Variants in DNAH6 observed in about 807,000 individuals in gnomAD.
The protein encoded by DNAH6 is axonemal beta dynein heavy chain 6.
DNAH6 carries 340 observed loss-of-function variants against 491.4 expected under a neutral mutation model. The ratio of observed to expected loss-of-function variants is 0.69; its 90% CI spans 0.63 to 0.76. The LOEUF (loss-of-function observed/expected upper bound fraction) is 0.76, where lower values mean the gene tolerates loss of function less well. DNAH6 is among the 30% of genes least tolerant of loss of function. DNAH6 has a pLI of 0.00. For synonymous variants in DNAH6, 1,603 were observed against 1,686.1 expected (o/e 0.95, Z 1.21); for missense variants, 4,443 against 4,972.2 (o/e 0.89, Z 3.20).
chr2:84,647,142 C>T (rs1316893609), intron 33 of DNAH6, among the ~76,000 whole-genome samples: 2 of 152,168 alleles, frequency 1.3e-5, no homozygotes, highest in African/African-American at 2.4e-5. Flanking sequence ...CCACCGTACC[C>T]GGCCAAAAGT....
At chr2:84,461,661 C>A in the DNAH6 span, among the ~76,000 whole-genome samples, 2 of 152,104 alleles carry the variant, frequency 1.3e-5, no homozygotes, top group Admixed American at 1.3e-4. Flanking sequence ...CACCTTGTAC[C>A]AAATAGTCGA....
At chr2:84,584,454 A>G (rs1463388620) in intron 15 of DNAH6, 1 of 561,158 alleles carries the variant, frequency 1.8e-6, no homozygotes, top group East Asian at 3.2e-5. Context: ...TGTGGTGAGA[A>G]TAATTAAGAC....
chr2:84,671,667 C>T (rs1367332326), intron 39 of DNAH6, among the ~76,000 whole-genome samples: 2 of 152,196 alleles, frequency 1.3e-5, no homozygotes, highest in Non-Finnish European at 2.9e-5. Flanking sequence ...TGCTGCTTGG[C>T]TTCCAGGGGG....
the DNAH6 span, among the ~76,000 whole-genome samples, chr2:84,508,081 T>C: frequency 6.6e-6 from 1 of 152,354 alleles, no homozygotes; most frequent in East Asian, 1.9e-4. Flanking sequence ...ACTGGCCTCA[T>C]AAAATGAGTT....
intron 12 of DNAH6, 35 bp downstream of exon 12, chr2:84,573,622 A>G: frequency 1.3e-6 from 2 of 1,505,330 alleles, no homozygotes; most frequent in Non-Finnish European, 1.8e-6. Flanking sequence ...AATTATTTTT[A>G]TAGGGATACT....
intron 21 of DNAH6, among the ~76,000 whole-genome samples, chr2:84,607,864 C>T (rs979231397): frequency 9.2e-5 from 14 of 152,036 alleles, no homozygotes; most frequent in South Asian, 2.1e-4. Flanking sequence ...CCACATTCAT[C>T]GACTCTTCCT....
intron 42 of DNAH6, among the ~76,000 whole-genome samples, chr2:84,681,750 A>T (rs1693795210): frequency 6.6e-6 from 1 of 151,786 alleles, no homozygotes. Context: ...CTGAAAAAAA[A>T]AAAAAAATAG....
chr2:84,529,472 G>A (rs906530260), intron 4 of DNAH6, among the ~76,000 whole-genome samples: 1 of 152,022 alleles, frequency 6.6e-6, no homozygotes, highest in Admixed American at 6.6e-5. Flanking sequence ...TGAGAAAAGA[G>A]GATGGCAACA....
chr2:84,555,937 C>CTT (rs1679976247), intron 10 of DNAH6, among the ~76,000 whole-genome samples: 1 of 152,126 alleles, frequency 6.6e-6, no homozygotes, highest in Non-Finnish European at 1.5e-5. Flanking sequence ...TTCTGGCCTC[C>CTT]TGAAATAGTC....
At chr2:84,524,743 ATTGT>A (rs1207173194) in intron 2 of DNAH6, among the ~76,000 whole-genome samples, 1 of 152,056 alleles carries the variant, frequency 6.6e-6, no homozygotes, top group Non-Finnish European at 1.5e-5. Context: ...TTTATAGATC[ATTGT>A]TTGGTCTCTG....
At chr2:84,506,627 T>A in the DNAH6 span, among the ~76,000 whole-genome samples, 1 of 152,180 alleles carries the variant, frequency 6.6e-6, no homozygotes, top group Non-Finnish European at 1.5e-5. Flanking sequence ...GGTGTTTTAG[T>A]CATGAAGTCC....
chr2:84,621,558 T>A lies in DNAH6; in HGVS notation c.4071+7T>A. 695 of 1,258,928 alleles carry A rather than the reference T, an allele frequency of 5.5e-4. No individual in the cohort carries two copies. The highest frequency in any genetic ancestry group is 1.0e-3 in the Middle Eastern group (4 of 3,860). The allele number at this position is 1,258,928 out of a possible 1,614,324, so 78.0% of individuals were successfully genotyped here. On this transcript the variant is annotated splice_region_variant and intron_variant, in intron 26 of 76. Transcript: ENST00000389394. ...TGAAAAAGTAAATTTTGAGGTGAGA[T>A]CTGTAACAAAGTGACATTGTTGTCC...
chr2:84,702,542 CTTTTT>C (rs34867074), intron 49 of DNAH6, among the ~76,000 whole-genome samples: 1 of 132,480 alleles, frequency 7.5e-6, no homozygotes. Context: ...TTTGAACCAG[CTTTTT>C]TTTTTTTTTT....
chr2:84,721,975 G>A (rs1573604217), intron 59 of DNAH6, among the ~76,000 whole-genome samples: 1 of 152,114 alleles, frequency 6.6e-6, no homozygotes, highest in African/African-American at 2.4e-5. Flanking sequence ...CATAGAGAAG[G>A]GAATCTTGGA....
chr2:84,502,372 T>G, the DNAH6 span, among the ~76,000 whole-genome samples: 9 of 152,210 alleles, frequency 5.9e-5, no homozygotes, highest in Non-Finnish European at 1.2e-4. Context: ...TCCTTTGTGG[T>G]CAGAGAAGAT....
intron 37 of DNAH6, among the ~76,000 whole-genome samples, chr2:84,666,568 G>A (rs1692148030): frequency 6.6e-6 from 1 of 152,076 alleles, no homozygotes; most frequent in African/African-American, 2.4e-5. Context: ...CCTCTTCAAG[G>A]AGAACTACAA....
intron 21 of DNAH6, among the ~76,000 whole-genome samples, chr2:84,609,323 C>T (rs1573207657): frequency 6.6e-6 from 1 of 152,080 alleles, no homozygotes; most frequent in African/African-American, 2.4e-5. Flanking sequence ...AGCTTTTGAC[C>T]TATATTGGCT....
At chr2:84,798,880 T>C (rs1678602753) in intron 70 of DNAH6, among the ~76,000 whole-genome samples, 1 of 152,092 alleles carries the variant, frequency 6.6e-6, no homozygotes, top group Admixed American at 6.5e-5. Context: ...CACCCAGGGA[T>C]ATCAAGTTGA....
upstream of DNAH6, among the ~76,000 whole-genome samples, chr2:84,512,373 T>C (rs1189026126): frequency 6.6e-6 from 1 of 151,872 alleles, no homozygotes; most frequent in African/African-American, 2.4e-5. Context: ...CAAGAGAGGG[T>C]CCAACTCACT....
Sources: gnomAD v4.1 joint callset for allele counts (sites outside exome capture counted in the v4.1 genomes callset) on GRCh38, gnomAD v4.1.1 for gene constraint, MANE v1.5 for transcripts, NCBI Gene and HGNC (gene_info 2026-07-23, HGNC 2026-07-21) for gene names.